SUCO: variants seen among roughly 807,000 people sequenced by gnomAD.
SUCO encodes the protein SUN domain containing ossification factor.
Under a neutral mutation model 148.1 loss-of-function variants are expected in SUCO, and 57 were observed. The ratio of observed to expected loss-of-function variants is 0.38; its 90% confidence interval spans 0.31 to 0.48. The LOEUF (loss-of-function observed/expected upper bound fraction) is 0.48, where lower values mean the gene tolerates loss of function less well. SUCO is among the 20% of genes least tolerant of loss of function. The pLI is 0.96. For synonymous variants in SUCO, 470 were observed against 502.7 expected (o/e 0.93, Z 0.87); for missense variants, 1,331 against 1,468.2 (o/e 0.91, Z 1.53).
Position 172,589,301 on chromosome 1 carries a change from C to T in SUCO, c.2200C>T (p.Leu734Phe). The T allele has an allele frequency of 6.2e-7, 1 of 1,613,470 alleles. No individual in the cohort carries two copies. The highest frequency in any genetic ancestry group is 8.5e-7 in the Non-Finnish European group (1 of 1,179,746). Residue 734 changes from leucine to phenylalanine, a missense_variant, in exon 18 of 24, where the codon CTT becomes TTT. Physicochemically the swap from Leu to Phe is conservative, Grantham distance 22. Around this residue, in one of 3 missense-constraint regions of SUCO, gnomAD observed 992 missense variants for 1,093.5 expected, o/e 0.91. Coordinates refer to ENST00000263688, the MANE Select transcript of SUCO (RefSeq NM_014283.5). Reference protein sequence around the residue: ...SHSQTLSQSLLLDITPEINPL... With the variant: ...SHSQTLSQSLFLDITPEINPL... ...TTCTCAAACTCTTTCTCAGTCTCTT[C>T]TTTTAGATATTACCCCAGAAATCAA...
Position 172,564,517 on chromosome 1 carries a change from C to G in SUCO, c.733-4502C>G, listed in dbSNP as rs142072944. Reference sequence around the variant, plus strand: ...CCATGTGTAAAAGGTGCTTGCTTCCCCTTCAGTCTTCCACCATGATTGTAA... The same window carrying G: ...CCATGTGTAAAAGGTGCTTGCTTCCGCTTCAGTCTTCCACCATGATTGTAA... On this transcript the variant is annotated intron_variant, in intron 6 of 23. Transcript: ENST00000263688. Among the ~76,000 whole-genome samples the G allele has an allele frequency of 3.7e-3, 569 of 152,292 alleles. 4 individuals are homozygous for G. The highest frequency in any genetic ancestry group is 0.014 in the Middle Eastern group (4 of 294).
intron 9 of SUCO, 71 bp downstream of exon 9, chr1:172,570,801 G>T: frequency 1.1e-6 from 1 of 914,298 alleles, no homozygotes; most frequent in Non-Finnish European, 1.8e-6. Flanking sequence ...TTTACATTAG[G>T]GTTACATTGA....
At chr1:172,537,807 G>C (rs1218314644) in intron 1 of SUCO, among the ~76,000 whole-genome samples, 1 of 152,188 alleles carries the variant, frequency 6.6e-6, no homozygotes, top group Admixed American at 6.5e-5. Context: ...ACTTACAAAG[G>C]TTTTTAGGAA....
rs778944725 is a variant in SUCO at position 172,578,406 on chromosome 1, A to G, written c.1432+17A>G. 5 of 1,597,082 alleles carry G rather than the reference A, an allele frequency of 3.1e-6. No homozygotes were observed. In the South Asian group the frequency reaches 5.5e-5, roughly 18 times the overall value. On this transcript the variant is annotated intron_variant, in intron 14 of 23. Coordinates refer to ENST00000263688, the MANE Select transcript of SUCO (RefSeq NM_014283.5). Reference sequence around the variant, plus strand: ...AGGACTATGGTAAGTGACATCAAACAGATGACTGTTAGGTATATTTTTTTT... The same window carrying G: ...AGGACTATGGTAAGTGACATCAAACGGATGACTGTTAGGTATATTTTTTTT...
chr1:172,575,612 A>C lies in SUCO; in HGVS notation c.1252A>C (p.Lys418Gln), dbSNP rs768294004. The change falls in exon 11 of 24, where the codon AAA (lysine) becomes CAA (glutamine). Residue 418 changes from lysine (K) to glutamine (Q), a missense_variant. By Grantham distance (53) the Lys-to-Gln change is moderately conservative. Transcript: ENST00000263688. ...SFPLDEQMYA[K>Q]YVKMFIKYIK... ...CCCTTTAGATGAACAGATGTATGCAAAATATGTCAAGGTAATGTTTACACA... is the reference window on the plus strand; with the variant it reads ...CCCTTTAGATGAACAGATGTATGCACAATATGTCAAGGTAATGTTTACACA... The C allele has an allele frequency of 1.9e-6, 3 of 1,605,742 alleles. No individual in the cohort carries two copies. In the Admixed American group the frequency reaches 5.0e-5, roughly 27 times the overall value.
chr1:172,589,814 G>A lies in SUCO; in HGVS notation c.2713G>A (p.Val905Ile). The A allele has an allele frequency of 6.2e-7, 1 of 1,610,764 alleles. No individual in the cohort carries two copies. The highest frequency in any genetic ancestry group is 8.5e-7 in the Non-Finnish European group (1 of 1,178,958). Residue 905 changes from valine to isoleucine, a missense_variant, in exon 18 of 24, where the codon GTA (valine) becomes ATA (isoleucine). Transcript: ENST00000263688. ...TDLGYANGNL[V>I]HGSNQKESVF... The stretch of plus-strand genomic sequence containing the variant: ...TCTAGGATATGCTAATGGAAATCTT[G>A]TACATGGATCAAACCAAAAGGAGTC...
rs1654756041 is a variant in SUCO, at chr1:172,569,020, G to A, written c.734G>A (p.Ser245Asn). 3 of 1,570,954 alleles carry A rather than the reference G, an allele frequency of 1.9e-6. No homozygotes were observed. The highest frequency in any genetic ancestry group is 2.6e-6 in the Non-Finnish European group (3 of 1,167,528). The change falls in exon 7 of 24, where the codon AGC becomes AAC. Residue 245 changes from serine to asparagine, a missense_variant and splice_region_variant. Physicochemically the swap from Ser to Asn is conservative, Grantham distance 46 (BLOSUM62 1). Around this residue, in one of 3 missense-constraint regions of SUCO, gnomAD observed 992 missense variants for 1,093.5 expected, o/e 0.91. Transcript: ENST00000263688. ...LNASDNLKNE[S>N]SDYTKPGDID... The stretch of plus-strand genomic sequence containing the variant: ...CTTACTTTTTGGTGTTTCTTTCAGA[G>A]CTCTGATTATACAAAACCAGGAGAC...
chr1:172,557,674 A>G lies in SUCO; in HGVS notation c.612A>G (p.Ser204=). The G allele has an allele frequency of 6.2e-7, 1 of 1,611,230 alleles. No individual in the cohort carries two copies. The highest frequency in any genetic ancestry group is 8.5e-7 in the Non-Finnish European group (1 of 1,179,072). Residue 204 remains serine, a synonymous_variant, in exon 6 of 24, where the codon TCA becomes TCG. Coordinates refer to ENST00000263688, the MANE Select transcript of SUCO (RefSeq NM_014283.5). ...TTGGCCAGCATATAGAAAATGTATC[A>G]TCTTCACATGGTAAAGGAAAGATAA... The part of the protein sequence containing the change: ...SLVGQHIENV[S]SSHGKGKITK...
intron 1 of SUCO, chr1:172,542,921 C>A: frequency 1.0e-6 from 1 of 985,036 alleles, no homozygotes; most frequent in Non-Finnish European, 1.2e-6. Flanking sequence ...AGAAACTTTT[C>A]AAAAGAGGGA....
chr1:172,571,120 G>C (rs955615313), intron 9 of SUCO, among the ~76,000 whole-genome samples: 78 of 152,232 alleles, frequency 5.1e-4, no homozygotes, highest in Non-Finnish European at 9.7e-4. Context: ...AAGAATAAGG[G>C]GGGTACTGCT....
intron 6 of SUCO, among the ~76,000 whole-genome samples, chr1:172,562,210 A>G (rs574997930): frequency 6.6e-6 from 1 of 152,334 alleles, no homozygotes; most frequent in African/African-American, 2.4e-5. Context: ...AGCTCACAAA[A>G]AAAGCTAAAA....
In SUCO at chr1:172,589,695, T is replaced by C; in HGVS notation, c.2594T>C (p.Val865Ala). The change falls in exon 18 of 24, where the codon GTA becomes GCA. Residue 865 changes from valine to alanine, a missense_variant. Around this residue, in one of 3 missense-constraint regions of SUCO, gnomAD observed 992 missense variants for 1,093.5 expected, o/e 0.91. Transcript: ENST00000263688. ...GTGGATTCTTCTTCATTACCTGAAG[T>C]AAAAGAAGAAGAACAGTCTCCAGAA... ...SVVDSSSLPE[V>A]KEEEQSPEDA... The C allele has an allele frequency of 6.2e-7, 1 of 1,613,718 alleles. No individual in the cohort carries two copies. Among genetic ancestry groups the C allele is most frequent in the Non-Finnish European group, 8.5e-7 (1 of 1,179,754 alleles).
At chr1:172,532,930 C>T (rs1355691537), upstream of SUCO, 18 of 1,363,110 alleles carry the variant, frequency 1.3e-5, no homozygotes, top group Non-Finnish European at 1.6e-5. Flanking sequence ...TTGTGGTCTC[C>T]TGCCTCCGGC....
At chr1:172,580,186 C>G (rs1377148161) in intron 15 of SUCO, among the ~76,000 whole-genome samples, 10 of 152,022 alleles carry the variant, frequency 6.6e-5, no homozygotes, top group Non-Finnish European at 1.5e-4. Flanking sequence ...TCTTTTCTTT[C>G]TCTTCCTGCC....
chr1:172,610,337 G>T lies in SUCO; in HGVS notation c.*78G>T. 20 of 1,464,786 alleles carry T rather than the reference G, an allele frequency of 1.4e-5. No individual in the cohort carries two copies. In the South Asian group the frequency reaches 2.1e-4, roughly 16 times the overall value. The allele number at this position is 1,464,786 out of a possible 1,614,324, so 90.7% of individuals were successfully genotyped here. On this transcript the variant is annotated 3_prime_UTR_variant, in exon 24 of 24. Transcript: ENST00000263688. ...ACAGTCTGTAGTATTTGAAGGGTTT[G>T]GGGGAGGGAGAAAATATTAATGGGA...
In SUCO at chr1:172,589,820, G is replaced by A. The variant is rs761918519; in HGVS notation, c.2719G>A (p.Gly907Arg). The change falls in exon 18 of 24, where the codon GGA (glycine) becomes AGA (arginine). Residue 907 changes from glycine to arginine, a missense_variant. Physicochemically the swap from Gly to Arg is moderately radical, Grantham distance 125. Transcript: ENST00000263688. ...LGYANGNLVH[G>R]SNQKESVFMR... Reference sequence around the variant, plus strand: ...ATATGCTAATGGAAATCTTGTACATGGATCAAACCAAAAGGAGTCAGTATT... The same window carrying A: ...ATATGCTAATGGAAATCTTGTACATAGATCAAACCAAAAGGAGTCAGTATT... The A allele has an allele frequency of 1.2e-6, 2 of 1,609,318 alleles. No homozygotes were observed. Among genetic ancestry groups the A allele is most frequent in the South Asian group, 2.2e-5 (2 of 90,614 alleles).
chr1:172,562,326 C>CTTTTTT (rs1558184293), intron 6 of SUCO, among the ~76,000 whole-genome samples: 1 of 134,878 alleles, frequency 7.4e-6, no homozygotes, highest in African/African-American at 2.8e-5. Context: ...TGGGTTTTAA[C>CTTTTTT]ATTTTTTTTT....
At chr1:172,590,366 C>T in intron 18 of SUCO, 1 of 985,128 alleles carries the variant, frequency 1.0e-6, no homozygotes, top group Non-Finnish European at 1.2e-6. Flanking sequence ...TGATTGGGCA[C>T]ATTTGCAGTT....
intron 1 of SUCO, among the ~76,000 whole-genome samples, chr1:172,535,113 AC>A (rs546590402): frequency 3.9e-5 from 6 of 152,180 alleles, no homozygotes; most frequent in Non-Finnish European, 5.9e-5. Context: ...ATGTTTTCTC[AC>A]CTTCAATCAT....
Sources: allele counts gnomAD v4.1 joint callset (sites outside exome capture counted in the v4.1 genomes callset), GRCh38; gene constraint gnomAD v4.1.1; regional missense constraint gnomAD v4.1.1; transcripts MANE v1.5; gene names NCBI Gene and HGNC (gene_info 2026-07-23, HGNC 2026-07-21).